Variants in TMEM200C observed in about 807,000 individuals in gnomAD.
TMEM200C encodes transmembrane protein TTMA.
For synonymous variants in TMEM200C, 462 were observed against 324.7 expected (o/e 1.42, Z -4.55); for missense variants, 966 against 699.9 (o/e 1.38, Z -4.29).
At chr18:5,884,788 C>A (rs1315858512) in exon 3 of TMEM200C, 1 of 152,018 alleles carries the variant, frequency 6.6e-6, no homozygotes, top group African/African-American at 2.4e-5. Context: ...CTTCGACTGA[C>A]CTAGTTATAT....
Position 5,891,101 on chromosome 18 carries a change from G to C in TMEM200C, c.963C>G (p.Ala321=), listed in dbSNP as rs757049935. 1,293 of 503,490 alleles carry C rather than the reference G, an allele frequency of 2.6e-3. 6 individuals carry two copies. The highest frequency in any genetic ancestry group is 3.5e-3 in the Non-Finnish European group (1,044 of 294,308). The allele number at this position is 503,490 out of a possible 1,614,324, so 31.2% of individuals were successfully genotyped here. Reference sequence around the variant, plus strand: ...AGCGCTCGCGGTAGACGCTGTACACGGCCTCGGCCAGGCTCGGGGGCTCCC... The same window carrying C: ...AGCGCTCGCGGTAGACGCTGTACACCGCCTCGGCCAGGCTCGGGGGCTCCC... Residue 321 remains alanine, a synonymous_variant, in exon 3 of 3, where the codon GCC becomes GCG. Coordinates refer to ENST00000581347, the Ensembl canonical transcript of TMEM200C. This position sits in a 1 kb window ranked among gnomAD's most constrained non-coding sequence, Gnocchi z 4.7.
intron 2 of TMEM200C, among the ~76,000 whole-genome samples, chr18:5,894,134 T>C (rs1460157914): frequency 6.6e-6 from 1 of 152,076 alleles, no homozygotes; most frequent in Non-Finnish European, 1.5e-5. Flanking sequence ...GCAGAAAGGC[T>C]ACATGTTTTG....
At chr18:5,883,604 A>G (rs1402293506) in exon 3 of TMEM200C, 5 of 152,184 alleles carry the variant, frequency 3.3e-5, no homozygotes, top group African/African-American at 1.2e-4. Context: ...TTTATTATTA[A>G]CAAAGATAAA....
At chr18:5,882,254 G>A (rs1266221686) in exon 3 of TMEM200C, 1 of 148,576 alleles carries the variant, frequency 6.7e-6, no homozygotes, top group Admixed American at 6.7e-5. Flanking sequence ...ATTTTTTTTT[G>A]CTATAATTTG....
chr18:5,884,652 C>G (rs1158114479), exon 3 of TMEM200C: 1 of 152,108 alleles, frequency 6.6e-6, no homozygotes, highest in South Asian at 2.1e-4. Flanking sequence ...CAGCTGCTTA[C>G]TATACAGGTG....
rs1478355777 is a variant in TMEM200C at position 5,891,933 on chromosome 18, C to T, written c.131G>A (p.Gly44Asp). Residue 44 changes from glycine to aspartate, a missense_variant, in exon 3 of 3, where the codon GGC becomes GAC. Transcript: ENST00000581347. The surrounding 1 kb of genome is among the most constrained non-coding windows in gnomAD (Gnocchi z 4.7). ...TGAGATGGAGCACAGCTTCAGCTTG[C>T]CTTTCACCACCACCACGTCGTTCTT... The T allele has an allele frequency of 6.2e-7, 1 of 1,613,930 alleles. No individual in the cohort carries two copies. Among genetic ancestry groups the T allele is most frequent in the South Asian group, 1.1e-5 (1 of 91,082 alleles).
chr18:5,894,437 T>C (rs968577834), intron 2 of TMEM200C, among the ~76,000 whole-genome samples: 1 of 152,184 alleles, frequency 6.6e-6, no homozygotes, highest in African/African-American at 2.4e-5. Flanking sequence ...CCTTTGAGGT[T>C]TTCCTTTATA....
At chr18:5,893,150 C>T (rs12457278) in intron 2 of TMEM200C, among the ~76,000 whole-genome samples, 76,215 of 151,918 alleles carry the variant, frequency 0.5, 19,375 homozygotes, top group East Asian at 0.72. Flanking sequence ...GCCATAATAG[C>T]TTTCTGACCC....
At chr18:5,886,714 T>A (rs2095165605) in exon 3 of TMEM200C, 1 of 152,196 alleles carries the variant, frequency 6.6e-6, no homozygotes, top group African/African-American at 2.4e-5. Context: ...CTCATTTAAA[T>A]AATTAATTCT....
At position 5,891,339 on chromosome 18, in the gene TMEM200C, G is replaced by A. The variant is rs868474687; in HGVS notation, c.725C>T (p.Pro242Leu). 1.5e-6 allele frequency: 2 copies of A among 1,335,364 alleles called. No individual in the cohort carries two copies. The highest frequency in any genetic ancestry group is 1.9e-6 in the Non-Finnish European group (2 of 1,045,282). The allele number at this position is 1,335,364 out of a possible 1,614,324, so 82.7% of individuals were successfully genotyped here. A position where few individuals can be genotyped will look rare whatever the true frequency, so the allele number is the denominator to read the frequency against. Residue 242 changes from proline to leucine, a missense_variant, in exon 3 of 3, where the codon CCC (proline) becomes CTC (leucine). Physicochemically the swap from Pro to Leu is moderately conservative, Grantham distance 98 (BLOSUM62 -3). Coordinates refer to ENST00000581347, the Ensembl canonical transcript of TMEM200C. This position sits in a 1 kb window ranked among gnomAD's most constrained non-coding sequence, Gnocchi z 4.7. ...GAAGCCGTTGAGCGGTATGGCCCCG[G>A]GGGGCGCCGCGGCGGGGGCAGACGA... is the stretch of plus-strand genomic sequence containing the variant.
chr18:5,891,028 C>A lies in TMEM200C; in HGVS notation c.1036G>T (p.Ala346Ser). The change falls in exon 3 of 3, where the codon GCC (alanine) becomes TCC (serine). Residue 346 changes from alanine (A) to serine (S), a missense_variant. By Grantham distance (99) the Ala-to-Ser change is moderately conservative (BLOSUM62 1). Coordinates refer to ENST00000581347, the Ensembl canonical transcript of TMEM200C. The surrounding 1 kb of genome is among the most constrained non-coding windows in gnomAD (Gnocchi z 4.7). ...GCCGGACTGCTGCAGCTGCTAGCGG[C>A]TGCGGCGGCGGTGGCAGCGGCGGCC... 1.8e-6 allele frequency: 1 copy of A among 566,630 alleles called. No homozygotes were observed. Among genetic ancestry groups the A allele is most frequent in the Non-Finnish European group, 3.1e-6 (1 of 326,610 alleles). The allele number at this position is 566,630 out of a possible 1,614,324, so 35.1% of individuals were successfully genotyped here. A position where few individuals can be genotyped will look rare whatever the true frequency, so the allele number is the denominator to read the frequency against.
In TMEM200C at chr18:5,893,969, A is replaced by G. The variant is rs116907227; in HGVS notation, c.-95+1061T>C. Among the ~76,000 whole-genome samples, 173 of 152,374 alleles carry G rather than the reference A, an allele frequency of 1.1e-3. 4 individuals are homozygous for G. The East Asian group carries it at 0.028, about 25-fold the overall frequency. ...TCCCAAATAAGTAAGCACATTTATT[A>G]TGTGGTTGTAACATAGAGACTGTTG... On this transcript the variant is annotated intron_variant, in intron 2 of 2. Transcript: ENST00000581347.
chr18:5,888,722 T>A (rs978686251), exon 3 of TMEM200C: 3 of 152,216 alleles, frequency 2.0e-5, no homozygotes, highest in African/African-American at 7.2e-5. Context: ...ATTGAATACA[T>A]CCTGTGGGCC....
chr18:5,890,677 T>G, exon 3 of TMEM200C: 1 of 554,204 alleles, frequency 1.8e-6, no homozygotes, highest in Non-Finnish European at 2.8e-6. Context: ...GCCGCGTACC[T>G]GCCGGTCCTG....
chr18:5,891,500 G>T lies in TMEM200C; in HGVS notation c.564C>A (p.His188Gln). ...TTTTGGTCTTCTTGTCCCGGTTCTC[G>T]TGGAGGACCGCGTTTGCGCAGATGA... The change falls in exon 3 of 3, where the codon CAC (histidine) becomes CAA (glutamine). Residue 188 changes from histidine (H) to glutamine (Q), a missense_variant. His to Gln is a conservative substitution (Grantham distance 24). Transcript: ENST00000581347. The surrounding 1 kb of genome is among the most constrained non-coding windows in gnomAD (Gnocchi z 4.7). 1.2e-6 allele frequency: 2 copies of T among 1,608,600 alleles called. No homozygotes were observed. The highest frequency in any genetic ancestry group is 8.5e-7 in the Non-Finnish European group (1 of 1,177,714).
exon 3 of TMEM200C, chr18:5,883,505 C>T (rs541285000): frequency 1.3e-5 from 2 of 152,184 alleles, no homozygotes; most frequent in South Asian, 4.1e-4. Context: ...AGTCCACAAA[C>T]AATACTCATA....
At position 5,890,600 on chromosome 18, in the gene TMEM200C, G is replaced by A; in HGVS notation, c.1464C>T (p.Pro488=). The stretch of plus-strand genomic sequence containing the variant: ...AGTCCGGGTCCGCACTCCCCGGGGA[G>A]GGCGGGGGCTCGGGGGACGGCGGCG... Residue 488 remains proline, a synonymous_variant, in exon 3 of 3, where the codon CCC becomes CCT. Transcript: ENST00000581347. 4 of 1,183,436 alleles carry A rather than the reference G, an allele frequency of 3.4e-6. No individual in the cohort carries two copies. In the East Asian group the frequency reaches 1.3e-4, roughly 38 times the overall value. 73.3% of individuals were successfully genotyped at this position (1,183,436 alleles called of 1,614,324 possible). A position where few individuals can be genotyped will look rare whatever the true frequency, so the allele number is the denominator to read the frequency against.
chr18:5,892,152 CTCCTGCTGCA>C lies in TMEM200C; in HGVS notation c.-94-5_-90del. The stretch of plus-strand genomic sequence containing the variant: ...TGCCCACTAGCTGCTCAGCCACCTC[CTCCTGCTGCA>C]AAGCAGAGGAAGACAGTCAGAGGGT... On this transcript the variant is annotated splice_acceptor_variant and splice_polypyrimidine_tract_variant and 5_prime_UTR_variant and intron_variant, in exon 3 of 3. Transcript: ENST00000581347. LOFTEE classifies it low-confidence loss of function (5UTR_SPLICE). 1 of 1,261,642 alleles carries C rather than the reference CTCCTGCTGCA, an allele frequency of 7.9e-7. No individual in the cohort carries two copies. The highest frequency in any genetic ancestry group is 1.1e-6 in the Non-Finnish European group (1 of 915,606). The allele number at this position is 1,261,642 out of a possible 1,614,324, so 78.2% of individuals were successfully genotyped here. A position where few individuals can be genotyped will look rare whatever the true frequency, so the allele number is the denominator to read the frequency against.
In TMEM200C at chr18:5,890,764, C is replaced by G. The variant is rs572639681; in HGVS notation, c.1300G>C (p.Gly434Arg). 590 of 606,592 alleles carry G rather than the reference C, an allele frequency of 9.7e-4. 1 individual carries two copies. The African/African-American group carries it at 0.01, about 10-fold the overall frequency. 37.6% of individuals were successfully genotyped at this position (606,592 alleles called of 1,614,324 possible). A position where few individuals can be genotyped will look rare whatever the true frequency, so the allele number is the denominator to read the frequency against. Residue 434 changes from glycine to arginine, a missense_variant, in exon 3 of 3, where the codon GGG becomes CGG. By Grantham distance (125) the Gly-to-Arg change is moderately radical (BLOSUM62 -2). Coordinates refer to ENST00000581347, the Ensembl canonical transcript of TMEM200C. ...GGCTCCTCCGGCTCCCGGCGCGCCC[C>G]GCGCATGCTGCCCTCTGCGCCGCGG...
Sources: allele counts gnomAD v4.1 joint callset (sites outside exome capture counted in the v4.1 genomes callset), GRCh38; gene constraint gnomAD v4.1.1; non-coding constraint Gnocchi (gnomAD v3.1); transcripts MANE v1.5; gene names NCBI Gene and HGNC (gene_info 2026-07-23, HGNC 2026-07-21).